HPSE2: variants seen among roughly 807,000 people sequenced by gnomAD.
HPSE2 encodes heparanase 2 (inactive), also known as inactive heparanase-2.
A neutral mutation model predicts 60.5 loss-of-function variants in HPSE2; 38 were observed. That is an observed-to-expected ratio of 0.63 (90% CI 0.48 to 0.82). The LOEUF (loss-of-function observed/expected upper bound fraction) is 0.82, where lower values mean the gene tolerates loss of function less well. Among genes scored for constraint, HPSE2 ranks in the 40% least tolerant of loss-of-function variants. The pLI, the probability that HPSE2 is intolerant of heterozygous loss-of-function variation, is 0.00. For synonymous variants in HPSE2, 295 were observed against 293.2 expected (o/e 1.01, Z -0.06); for missense variants, 713 against 740.4 (o/e 0.96, Z 0.43).
chr10:98,781,147 T>A (rs912950579), intron 3 of HPSE2, among the ~76,000 whole-genome samples: 5 of 152,160 alleles, frequency 3.3e-5, no homozygotes, highest in African/African-American at 1.2e-4. Context: ...AAACTTTTGT[T>A]GGGCTAAACC....
At chr10:99,008,876 C>A (rs1247767799) in intron 3 of HPSE2, among the ~76,000 whole-genome samples, 1 of 152,058 alleles carries the variant, frequency 6.6e-6, no homozygotes, top group East Asian at 1.9e-4. Flanking sequence ...TAAATGATCC[C>A]TTTATTGTCA....
At chr10:98,521,984 G>A (rs968887729) in intron 9 of HPSE2, among the ~76,000 whole-genome samples, 1 of 152,074 alleles carries the variant, frequency 6.6e-6, no homozygotes, top group Non-Finnish European at 1.5e-5. Context: ...GGCCTGTCAG[G>A]GGGTGTGGGG....
At chr10:99,244,596 A>C in the HPSE2 span, among the ~76,000 whole-genome samples, 1 of 90,560 alleles carries the variant, frequency 1.1e-5, no homozygotes, top group African/African-American at 4.3e-5. Flanking sequence ...TTTTTTGTAG[A>C]GGCAGGGTCT....
At chr10:99,113,830 G>A (rs1286926402) in intron 3 of HPSE2, among the ~76,000 whole-genome samples, 9 of 151,724 alleles carry the variant, frequency 5.9e-5, no homozygotes, top group South Asian at 2.1e-4. Context: ...TATTAGTGAA[G>A]TAATTTAGGT....
At chr10:99,310,211 T>C in the HPSE2 span, among the ~76,000 whole-genome samples, 3 of 152,242 alleles carry the variant, frequency 2.0e-5, no homozygotes, top group East Asian at 5.8e-4. Flanking sequence ...GAATCCTTAA[T>C]TTAATTACAT....
chr10:99,200,659 TATC>T (rs1848545260), intron 2 of HPSE2, among the ~76,000 whole-genome samples: 1 of 127,384 alleles, frequency 7.9e-6, no homozygotes, highest in African/African-American at 2.5e-5. Flanking sequence ...TTTTAATAAG[TATC>T]ATCAATAATA....
chr10:99,269,920 T>C, the HPSE2 span, among the ~76,000 whole-genome samples: 1 of 152,212 alleles, frequency 6.6e-6, no homozygotes, highest in Non-Finnish European at 1.5e-5. Flanking sequence ...TTAAAAATTC[T>C]TTGAACTGAA....
At chr10:98,688,906 T>C (rs546759538) in intron 6 of HPSE2, among the ~76,000 whole-genome samples, 4 of 152,270 alleles carry the variant, frequency 2.6e-5, no homozygotes, top group East Asian at 1.9e-4. Context: ...TTTTTCTTTA[T>C]CATTTTAAGA....
rs560790823 is a variant in HPSE2, at chr10:98,937,468, G to A, written c.611-193412C>T. Among the ~76,000 whole-genome samples, 20 of 144,410 alleles carry A rather than the reference G, an allele frequency of 1.4e-4. 4 individuals are homozygous for A. Among genetic ancestry groups the A allele is most frequent in the African/African-American group, 5.3e-4 (19 of 35,776 alleles). The allele number at this position is 144,410 out of a possible 152,430, so 94.7% of individuals were successfully genotyped here. A position where few individuals can be genotyped will look rare whatever the true frequency, so the allele number is the denominator to read the frequency against. On this transcript the variant is annotated intron_variant, in intron 3 of 11. Transcript: ENST00000370552. ...ATGGCTTGGAGGGTCCTACGCCCACGGAGTCTCGCTGATTGCTAGCACAGC... is the reference window on the plus strand; with the variant it reads ...ATGGCTTGGAGGGTCCTACGCCCACAGAGTCTCGCTGATTGCTAGCACAGC...
intron 3 of HPSE2, among the ~76,000 whole-genome samples, chr10:99,143,480 G>T (rs1197042017): frequency 6.6e-6 from 1 of 152,056 alleles, no homozygotes; most frequent in Non-Finnish European, 1.5e-5. Flanking sequence ...CTTTTGATTT[G>T]TTAAAGTTTA....
At position 99,099,318 on chromosome 10, in the gene HPSE2, T is replaced by G. The variant is rs561465413; in HGVS notation, c.610+44920A>C. On this transcript the variant is annotated intron_variant, in intron 3 of 11. Transcript: ENST00000370552. ...CTAATACTGCGCTTTTCCAACAGTC[T>G]TAGCAAATGGCACACCAGGAGATTA... Among the ~76,000 whole-genome samples the G allele has an allele frequency of 2.0e-5, 3 of 152,348 alleles. No individual in the cohort carries two copies. The East Asian group carries it at 5.8e-4, about 29-fold the overall frequency.
At chr10:98,847,295 T>A (rs774444149) in intron 3 of HPSE2, among the ~76,000 whole-genome samples, 4 of 152,198 alleles carry the variant, frequency 2.6e-5, no homozygotes, top group African/African-American at 4.8e-5. Context: ...TAGCTACCAT[T>A]TATTGAACAC....
chr10:98,541,850 G>A (rs1589390537), intron 9 of HPSE2, among the ~76,000 whole-genome samples: 1 of 152,332 alleles, frequency 6.6e-6, no homozygotes, highest in African/African-American at 2.4e-5. Context: ...CACAGCTCAA[G>A]GAGGCCTGCC....
intron 6 of HPSE2, among the ~76,000 whole-genome samples, chr10:98,676,010 G>C (rs1459382486): frequency 6.6e-6 from 1 of 151,742 alleles, no homozygotes; most frequent in African/African-American, 2.4e-5. Context: ...GCCACTGCCT[G>C]GGTGACAGAG....
chr10:98,922,585 G>C (rs1477891731), intron 3 of HPSE2, among the ~76,000 whole-genome samples: 3 of 152,126 alleles, frequency 2.0e-5, no homozygotes, highest in Admixed American at 6.6e-5. Context: ...TGTATACGTG[G>C]AATTAATTTT....
At chr10:99,150,647 C>G (rs371387610) in intron 2 of HPSE2, among the ~76,000 whole-genome samples, 2 of 152,152 alleles carry the variant, frequency 1.3e-5, no homozygotes, top group Admixed American at 6.5e-5. Flanking sequence ...TAGAAAGACT[C>G]TGGCACTTCA....
At chr10:99,050,117 A>G (rs180969560) in intron 3 of HPSE2, among the ~76,000 whole-genome samples, 28 of 152,292 alleles carry the variant, frequency 1.8e-4, no homozygotes, top group African/African-American at 5.5e-4. Flanking sequence ...TGAGCAACAT[A>G]GTGAGACCTC....
intron 6 of HPSE2, among the ~76,000 whole-genome samples, chr10:98,668,022 T>C (rs1947412853): frequency 6.6e-6 from 1 of 152,106 alleles, no homozygotes; most frequent in African/African-American, 2.4e-5. Flanking sequence ...ATTTTATGCA[T>C]AGAAAACCCA....
intron 3 of HPSE2, among the ~76,000 whole-genome samples, chr10:98,833,504 T>C (rs923229987): frequency 6.6e-6 from 1 of 152,210 alleles, no homozygotes; most frequent in Non-Finnish European, 1.5e-5. Flanking sequence ...GTAACATTCA[T>C]TGAGCACTTA....
Sources: allele counts gnomAD v4.1 joint callset (sites outside exome capture counted in the v4.1 genomes callset), GRCh38; gene constraint gnomAD v4.1.1; transcripts MANE v1.5; gene names NCBI Gene and HGNC (gene_info 2026-07-23, HGNC 2026-07-21).